SCARA5: variants seen among roughly 807,000 people sequenced by gnomAD.
SCARA5 encodes the protein scavenger receptor class A member 5, also known as scavenger receptor class A, member 5 (putative).
Under a neutral mutation model 46.3 loss-of-function variants are expected in SCARA5, and 45 were observed. That is an observed-to-expected ratio of 0.97 (90% CI 0.76 to 1.24). The LOEUF is 1.24. Ranked by LOEUF, SCARA5 falls within the 50% of genes most tolerant of loss-of-function variation. SCARA5 has a pLI of 0.00. For synonymous variants in SCARA5, 333 were observed against 306.5 expected (o/e 1.09, Z -0.90); for missense variants, 680 against 689.0 (o/e 0.99, Z 0.15).
chr8:27,965,756 G>A (rs997529746), intron 3 of SCARA5, among the ~76,000 whole-genome samples: 14 of 152,306 alleles, frequency 9.2e-5, no homozygotes, highest in African/African-American at 3.4e-4. Context: ...GTCAGGAGAA[G>A]ACCACTACAG....
intron 8 of SCARA5, among the ~76,000 whole-genome samples, chr8:27,877,755 C>T (rs763412563): frequency 2.0e-5 from 3 of 152,144 alleles, no homozygotes; most frequent in Non-Finnish European, 4.4e-5. Flanking sequence ...CTTCATGGTG[C>T]CGGATCCCTT....
At chr8:27,891,286 A>G (rs1259340673) in intron 7 of SCARA5, among the ~76,000 whole-genome samples, 1 of 151,694 alleles carries the variant, frequency 6.6e-6, no homozygotes. Context: ...GCTCACTGCA[A>G]CCTTCACCTC....
chr8:27,945,900 T>A (rs1281072377), intron 3 of SCARA5, among the ~76,000 whole-genome samples: 1 of 152,238 alleles, frequency 6.6e-6, no homozygotes, highest in Non-Finnish European at 1.5e-5. Context: ...AATGGAACAG[T>A]GCTACATCAT....
chr8:27,984,828 T>TATCCATCTATTCATCC (rs1808680180), intron 2 of SCARA5, among the ~76,000 whole-genome samples: 1 of 151,072 alleles, frequency 6.6e-6, no homozygotes, highest in African/African-American at 2.4e-5. Context: ...TCCTTTCATC[T>TATCCATCTATTCATCC]ATCCATCTAT....
intron 8 of SCARA5, 27 bp downstream of exon 8, chr8:27,879,539 CTCA>C: frequency 6.3e-7 from 1 of 1,596,514 alleles, no homozygotes; most frequent in Non-Finnish European, 8.5e-7. Context: ...AGGCCCTCTC[CTCA>C]TGTTTTTTGC....
chr8:27,908,721 C>T (rs1327880865), intron 5 of SCARA5, among the ~76,000 whole-genome samples: 1 of 152,092 alleles, frequency 6.6e-6, no homozygotes, highest in Non-Finnish European at 1.5e-5. Context: ...CCCAGGCTCC[C>T]CATCTTATGA....
At chr8:27,957,042 T>A (rs1808217810) in intron 3 of SCARA5, among the ~76,000 whole-genome samples, 1 of 152,102 alleles carries the variant, frequency 6.6e-6, no homozygotes, top group African/African-American at 2.4e-5. Flanking sequence ...CAGAAGATAG[T>A]TCCAGAAAGC....
Position 27,879,626 on chromosome 8 carries a change from G to A in SCARA5, c.1294C>T (p.Arg432Cys), listed in dbSNP as rs1333849980. 2 of 1,611,972 alleles carry A rather than the reference G, an allele frequency of 1.2e-6. No homozygotes were observed. The highest frequency in any genetic ancestry group is 2.7e-5 in the African/African-American group (2 of 75,018). The change falls in exon 8 of 9, where the codon CGC becomes TGC. Residue 432 changes from arginine (R) to cysteine (C), a missense_variant. Physicochemically the swap from Arg to Cys is radical, Grantham distance 180 (BLOSUM62 -3). Coordinates refer to ENST00000354914, the MANE Select transcript of SCARA5 (RefSeq NM_173833.6). ...TCCACACCGCGGAAGCCGAGCATGC[G>A]GCACACCACGTCTCCGTCCTTCTTG... ...WDKKDGDVVC[R>C]MLGFRGVEEV...
intron 3 of SCARA5, among the ~76,000 whole-genome samples, chr8:27,950,803 C>G (rs1376305905): frequency 6.6e-6 from 1 of 151,426 alleles, no homozygotes; most frequent in Non-Finnish European, 1.5e-5. Flanking sequence ...TATTAACAGA[C>G]AGCACCTCTG....
chr8:27,891,439 C>A lies in SCARA5; in HGVS notation c.1154-11673G>T, dbSNP rs554598713. ...CAGGATGGTCTCGATCTCTTGACCTCGTGATCTGCCCGCTTCGGCCTCCCA... is the reference window on the plus strand; with the variant it reads ...CAGGATGGTCTCGATCTCTTGACCTAGTGATCTGCCCGCTTCGGCCTCCCA... On this transcript the variant is annotated intron_variant, in intron 7 of 8. Transcript: ENST00000354914. Among the ~76,000 whole-genome samples, 3 of 152,230 alleles carry A rather than the reference C, an allele frequency of 2.0e-5. No individual in the cohort carries two copies. In the South Asian group the frequency reaches 6.2e-4, roughly 32 times the overall value.
intron 8 of SCARA5, among the ~76,000 whole-genome samples, chr8:27,872,530 G>A (rs984623533): frequency 6.6e-6 from 1 of 152,190 alleles, no homozygotes; most frequent in Non-Finnish European, 1.5e-5. Context: ...CTGTTGTCAC[G>A]GGATTGCCAT....
At chr8:27,927,519 A>T (rs969501915) in intron 3 of SCARA5, among the ~76,000 whole-genome samples, 5 of 152,142 alleles carry the variant, frequency 3.3e-5, no homozygotes, top group African/African-American at 9.7e-5. Flanking sequence ...TATTATTATT[A>T]TATTGTAATC....
intron 3 of SCARA5, among the ~76,000 whole-genome samples, chr8:27,931,224 G>A (rs531562944): frequency 2.0e-5 from 3 of 152,188 alleles, no homozygotes; most frequent in Non-Finnish European, 4.4e-5. Context: ...CTGCACTCAG[G>A]GTGTGTGACC....
At chr8:27,933,320 G>A (rs1444963490) in intron 3 of SCARA5, among the ~76,000 whole-genome samples, 1 of 151,498 alleles carries the variant, frequency 6.6e-6, no homozygotes, top group Non-Finnish European at 1.5e-5. Flanking sequence ...TCAGGAGTTC[G>A]AGACCAGCCT....
At chr8:27,938,354 A>AC (rs1807890013) in intron 3 of SCARA5, among the ~76,000 whole-genome samples, 2 of 14,604 alleles carry the variant, frequency 1.4e-4, no homozygotes, top group African/African-American at 1.8e-4. Context: ...TGTAACTATA[A>AC]TAAAAAAAAA....
At chr8:27,981,055 C>T (rs1038753199) in intron 2 of SCARA5, among the ~76,000 whole-genome samples, 11 of 152,092 alleles carry the variant, frequency 7.2e-5, no homozygotes, top group Admixed American at 2.6e-4. Flanking sequence ...TCCCAAAGAC[C>T]AGGGAGGGAA....
At chr8:27,942,262 C>T (rs1807960094) in intron 3 of SCARA5, among the ~76,000 whole-genome samples, 1 of 152,182 alleles carries the variant, frequency 6.6e-6, no homozygotes, top group Admixed American at 6.5e-5. Context: ...TATCCCACCT[C>T]CTCCCTATGA....
chr8:27,876,422 C>A (rs1200619277), intron 8 of SCARA5, among the ~76,000 whole-genome samples: 1 of 152,086 alleles, frequency 6.6e-6, no homozygotes, highest in Admixed American at 6.5e-5. Flanking sequence ...GGAGTGAACA[C>A]TGGTGGGATC....
At chr8:27,879,793 C>T in intron 7 of SCARA5, 27 bp from the exon 8 acceptor site, 1 of 1,610,196 alleles carries the variant, frequency 6.2e-7, no homozygotes, top group Non-Finnish European at 8.5e-7. Context: ...CTGTCACTAC[C>T]CAGCTCTAGA....
Sources: gnomAD v4.1 joint callset for allele counts (sites outside exome capture counted in the v4.1 genomes callset) on GRCh38, gnomAD v4.1.1 for gene constraint, MANE v1.5 for transcripts, NCBI Gene and HGNC (gene_info 2026-07-23, HGNC 2026-07-21) for gene names.